ANO4: variants seen among roughly 807,000 people sequenced by gnomAD.
The protein encoded by ANO4 is anoctamin-4.
ANO4 carries 69 observed loss-of-function variants against 141.9 expected under a neutral mutation model. That is an observed-to-expected ratio of 0.49 (90% CI 0.40 to 0.59). ANO4 has a LOEUF of 0.59. Ranked by LOEUF, ANO4 falls within the 20% of genes least tolerant of loss-of-function variation. The probability of loss-of-function intolerance (pLI) is 0.00; values close to 1 mark genes in which losing one functional copy is unlikely to be tolerated. For synonymous variants in ANO4, 350 were observed against 394.3 expected (o/e 0.89, Z 1.33); for missense variants, 894 against 1,162.2 (o/e 0.77, Z 3.36).
chr12:100,724,270 T>C (rs1032864981), intron 1 of ANO4, among the ~76,000 whole-genome samples: 3 of 152,182 alleles, frequency 2.0e-5, no homozygotes, highest in African/African-American at 7.2e-5. Context: ...AGACACAGTA[T>C]TTAAAATGCA....
chr12:100,893,564 G>A (rs2040206283), intron 1 of ANO4, among the ~76,000 whole-genome samples: 1 of 152,088 alleles, frequency 6.6e-6, no homozygotes, highest in Non-Finnish European at 1.5e-5. Context: ...AATAGCAGAA[G>A]CAAAAGAGAC....
At chr12:100,801,809 A>G (rs2034713487) in intron 1 of ANO4, among the ~76,000 whole-genome samples, 1 of 152,134 alleles carries the variant, frequency 6.6e-6, no homozygotes. Flanking sequence ...GTGTGGGGAG[A>G]TGGGAATGGT....
At chr12:100,770,706 G>T (rs1170290540) in intron 3 of ANO4, among the ~76,000 whole-genome samples, 1 of 151,608 alleles carries the variant, frequency 6.6e-6, no homozygotes, top group Non-Finnish European at 1.5e-5. Context: ...TGGTAGAATT[G>T]ATGATGCAGA....
At chr12:101,076,892 C>G (rs1401838300) in intron 14 of ANO4, among the ~76,000 whole-genome samples, 1 of 152,118 alleles carries the variant, frequency 6.6e-6, no homozygotes, top group Non-Finnish European at 1.5e-5. Context: ...GGACTCTGTG[C>G]AAAGACAGTT....
At chr12:100,725,548 A>G (rs1482426261) in intron 1 of ANO4, among the ~76,000 whole-genome samples, 3 of 151,724 alleles carry the variant, frequency 2.0e-5, no homozygotes, top group Non-Finnish European at 4.4e-5. Flanking sequence ...GGGTTTCACC[A>G]TGTTAGCCAG....
intron 17 of ANO4, among the ~76,000 whole-genome samples, chr12:101,087,414 T>C (rs568633205): frequency 5.3e-5 from 8 of 151,924 alleles, no homozygotes; most frequent in African/African-American, 1.9e-4. Flanking sequence ...CCCAGCTGCT[T>C]TGTGGGGCTG....
At chr12:100,848,169 C>T (rs2037674099) in intron 1 of ANO4, among the ~76,000 whole-genome samples, 1 of 151,962 alleles carries the variant, frequency 6.6e-6, no homozygotes, top group Non-Finnish European at 1.5e-5. Flanking sequence ...TATAAATGTT[C>T]CCCTTCAGAG....
At chr12:100,828,164 C>T (rs369513526) in intron 1 of ANO4, among the ~76,000 whole-genome samples, 2 of 152,178 alleles carry the variant, frequency 1.3e-5, no homozygotes, top group South Asian at 2.1e-4. Flanking sequence ...TACCTACCTT[C>T]AGACCATTTC....
chr12:101,085,042 T>G (rs1308868839), intron 16 of ANO4, among the ~76,000 whole-genome samples: 1 of 152,252 alleles, frequency 6.6e-6, no homozygotes, highest in Non-Finnish European at 1.5e-5. Context: ...TTGTTTATTT[T>G]ATTGTTATTT....
intron 1 of ANO4, among the ~76,000 whole-genome samples, chr12:100,725,728 G>A (rs75423260): frequency 0.052 from 7,943 of 152,258 alleles, 277 homozygotes; most frequent in Middle Eastern, 0.082. Context: ...CAATAATCAA[G>A]CAATTATAAG....
chr12:100,828,973 T>C (rs1169815904), intron 1 of ANO4, among the ~76,000 whole-genome samples: 1 of 151,822 alleles, frequency 6.6e-6, no homozygotes. Flanking sequence ...TGAGTCGAGA[T>C]TGTGCCACTG....
chr12:100,981,437 G>GGGAA (rs149796199), intron 7 of ANO4, among the ~76,000 whole-genome samples: 343 of 150,466 alleles, frequency 2.3e-3, no homozygotes, highest in African/African-American at 6.5e-3. Context: ...AAGAAAAGGA[G>GGGAA]GGAAGGAAGG....
chr12:101,123,527 G>A (rs2051183301), intron 26 of ANO4, among the ~76,000 whole-genome samples: 1 of 136,092 alleles, frequency 7.3e-6, no homozygotes, highest in Non-Finnish European at 1.5e-5. Context: ...GTGTCCATGT[G>A]TTCTCATCAT....
At chr12:100,821,245 G>T (rs534471351) in intron 1 of ANO4, among the ~76,000 whole-genome samples, 1 of 152,064 alleles carries the variant, frequency 6.6e-6, no homozygotes, top group African/African-American at 2.4e-5. Context: ...AAATTTTCAG[G>T]AACTAATAAA....
intron 14 of ANO4, among the ~76,000 whole-genome samples, chr12:101,055,161 A>G (rs2048059056): frequency 6.6e-6 from 1 of 152,216 alleles, no homozygotes; most frequent in African/African-American, 2.4e-5. Flanking sequence ...GTAAATTTTC[A>G]TAAAAGCCTT....
intron 1 of ANO4, among the ~76,000 whole-genome samples, chr12:100,812,899 T>A (rs959398777): frequency 6.6e-6 from 1 of 152,256 alleles, no homozygotes; most frequent in African/African-American, 2.4e-5. Flanking sequence ...AGGTTCTGTT[T>A]AGGAATCAGT....
At chr12:100,720,529 C>T (rs759938772) in intron 1 of ANO4, among the ~76,000 whole-genome samples, 7 of 151,644 alleles carry the variant, frequency 4.6e-5, no homozygotes, top group Admixed American at 1.3e-4. Context: ...CAGTCTGAGC[C>T]GGTGTTGTTA....
intron 8 of ANO4, among the ~76,000 whole-genome samples, chr12:101,014,139 C>G (rs2046220498): frequency 6.6e-6 from 1 of 152,112 alleles, no homozygotes; most frequent in South Asian, 2.1e-4. Flanking sequence ...TACACACCCT[C>G]AATACATATT....
intron 1 of ANO4, among the ~76,000 whole-genome samples, chr12:100,727,814 C>T (rs960245559): frequency 6.6e-6 from 1 of 152,100 alleles, no homozygotes; most frequent in Non-Finnish European, 1.5e-5. Context: ...TCCTCACCAC[C>T]CTACCCCATC....
Sources: gnomAD v4.1 joint callset for allele counts (sites outside exome capture counted in the v4.1 genomes callset) on GRCh38, gnomAD v4.1.1 for gene constraint, MANE v1.5 for transcripts, NCBI Gene and HGNC (gene_info 2026-07-23, HGNC 2026-07-21) for gene names.